The following MOAP1 variants were observed in gnomAD, a reference collection of about 807,000 sequenced individuals.
MOAP1 encodes MAP1.
For missense variants in MOAP1, 385 were observed against 418.6 expected (o/e 0.92, Z 0.70); for synonymous variants, 150 against 161.0 (o/e 0.93, Z 0.52).
In MOAP1 at chr14:93,183,043, A is replaced by G. The variant is rs898667050; in HGVS notation, c.*144T>C. Reference sequence around the variant, plus strand: ...TAGGAGACTTTAAATAGGCACAGAAACGACAAAGGGCTTATACTGAGAATT... The same window carrying G: ...TAGGAGACTTTAAATAGGCACAGAAGCGACAAAGGGCTTATACTGAGAATT... On this transcript the variant is annotated 3_prime_UTR_variant, in exon 3 of 3. Coordinates refer to ENST00000298894, the MANE Select transcript of MOAP1 (RefSeq NM_022151.5). 6 of 1,223,698 alleles carry G rather than the reference A, an allele frequency of 4.9e-6. No homozygotes were observed. In the South Asian group the frequency reaches 8.7e-5, roughly 18 times the overall value. 75.8% of individuals were successfully genotyped at this position (1,223,698 alleles called of 1,614,324 possible).
rs1279287637 is a variant in MOAP1 at position 93,184,105 on chromosome 14, C to T, written c.138G>A (p.Leu46=). The T allele has an allele frequency of 6.2e-7, 1 of 1,614,090 alleles. No individual in the cohort carries two copies. The highest frequency in any genetic ancestry group is 8.5e-7 in the Non-Finnish European group (1 of 1,180,014). ...TCCTTCCAAGCAGTCTGTACTCCCCCAAGGGAGCTAAACCAGCCTGCAGAG... is the reference window on the plus strand; with the variant it reads ...TCCTTCCAAGCAGTCTGTACTCCCCTAAGGGAGCTAAACCAGCCTGCAGAG... ...EEALQAGLAP[L]GEYRLLGRMF... The change falls in exon 3 of 3, where the codon TTG becomes TTA. Residue 46 remains leucine, a synonymous_variant. Coordinates refer to ENST00000298894, the MANE Select transcript of MOAP1 (RefSeq NM_022151.5). This position sits in a 1 kb window ranked among gnomAD's most constrained non-coding sequence, Gnocchi z 4.2.
In MOAP1 at chr14:93,184,884, CGG is replaced by C. The variant is rs911219212; in HGVS notation, c.-352_-351del. 2.1e-5 allele frequency: 3 copies of C among 145,646 alleles called. No individual in the cohort carries two copies. The highest frequency in any genetic ancestry group is 7.4e-5 in the African/African-American group (3 of 40,390). 9.0% of individuals were successfully genotyped at this position (145,646 alleles called of 1,614,324 possible). On this transcript the variant is annotated 5_prime_UTR_variant, in exon 1 of 3. Coordinates refer to ENST00000298894, the MANE Select transcript of MOAP1 (RefSeq NM_022151.5). This position sits in a 1 kb window ranked among gnomAD's most constrained non-coding sequence, Gnocchi z 4.2. ...GGATTCCACCTGTTTTGGTCTCGCT[CGG>C]GGAAGCTGCGCGGCGGGCGGGGGCG... is the stretch of plus-strand genomic sequence containing the variant.
Position 93,182,291 on chromosome 14 carries a change from A to G in MOAP1, c.*896T>C, listed in dbSNP as rs566684082. 1.4e-4 allele frequency: 22 copies of G among 152,802 alleles called. No homozygotes were observed. The highest frequency in any genetic ancestry group is 4.1e-4 in the South Asian group (2 of 4,832). 9.5% of individuals were successfully genotyped at this position (152,802 alleles called of 1,614,324 possible). A position where few individuals can be genotyped will look rare whatever the true frequency, so the allele number is the denominator to read the frequency against. On this transcript the variant is annotated 3_prime_UTR_variant, in exon 3 of 3. Coordinates refer to ENST00000298894, the MANE Select transcript of MOAP1 (RefSeq NM_022151.5). ...TCAGAACTAGATGTTTTGATGACAC[A>G]TAGCAGAAATCTGTGGTTCAAGATG...
At position 93,184,248 on chromosome 14, in the gene MOAP1, C is replaced by T. The variant is rs1893989436; in HGVS notation, c.-6G>A. 2 of 1,563,888 alleles carry T rather than the reference C, an allele frequency of 1.3e-6. No individual in the cohort carries two copies. Among genetic ancestry groups the T allele is most frequent in the Admixed American group, 2.0e-5 (1 of 50,372 alleles). On this transcript the variant is annotated 5_prime_UTR_variant, in exon 3 of 3. Transcript: ENST00000298894. The surrounding 1 kb of genome is among the most constrained non-coding windows in gnomAD (Gnocchi z 4.2). ...TCTAAAAGCCTCAAAGTCATGGTGCCCGAAATAATAGACTTAAGTTCTAAA... is the reference window on the plus strand; with the variant it reads ...TCTAAAAGCCTCAAAGTCATGGTGCTCGAAATAATAGACTTAAGTTCTAAA...
In MOAP1 at chr14:93,184,033, A is replaced by T. The variant is rs1231029261; in HGVS notation, c.210T>A (p.Thr70=). The T allele has an allele frequency of 3.7e-6, 6 of 1,613,984 alleles. No individual in the cohort carries two copies. In the South Asian group the frequency reaches 6.6e-5, roughly 18 times the overall value. The change falls in exon 3 of 3, where the codon ACT becomes ACA. Residue 70 remains threonine, a synonymous_variant. Coordinates refer to ENST00000298894, the MANE Select transcript of MOAP1 (RefSeq NM_022151.5). The surrounding 1 kb of genome is among the most constrained non-coding windows in gnomAD (Gnocchi z 4.2). ...GGACCAGGGCGTGACTAGTCTCCGC[A>T]GTAAGCCCTACTAAGGCTACTTTCC... The part of the protein sequence containing the change: ...ENRKVALVGL[T]AETSHALVPK...
chr14:93,182,991 T>G lies in MOAP1; in HGVS notation c.*196A>C, dbSNP rs551449168. ...AAATAGGTAAATGGCAGTGTAGAAC[T>G]ACATCCTTCCTAGTCAATTACACCT... On this transcript the variant is annotated 3_prime_UTR_variant, in exon 3 of 3. Transcript: ENST00000298894. 1.5e-6 allele frequency: 1 copy of G among 656,864 alleles called. No individual in the cohort carries two copies. The highest frequency in any genetic ancestry group is 2.4e-6 in the Non-Finnish European group (1 of 410,916). 40.7% of individuals were successfully genotyped at this position (656,864 alleles called of 1,614,324 possible).
chr14:93,183,551 T>A lies in MOAP1; in HGVS notation c.692A>T (p.Asp231Val). The change falls in exon 3 of 3, where the codon GAT (aspartate) becomes GTT (valine). Residue 231 changes from aspartate (D) to valine (V), a missense_variant. Asp to Val is a radical substitution (Grantham distance 152). Coordinates refer to ENST00000298894, the MANE Select transcript of MOAP1 (RefSeq NM_022151.5). ...LKINNPLITV[D>V]ECLQALEEVF... is the part of the protein sequence containing the mutation. ...CTCCTCAAGAGCCTGCAGACATTCA[T>A]CGACAGTAATTAAAGGATTGTTTAT... 1 of 1,614,204 alleles carries A rather than the reference T, an allele frequency of 6.2e-7. No individual in the cohort carries two copies. The highest frequency in any genetic ancestry group is 1.1e-5 in the South Asian group (1 of 91,086).
At position 93,182,294 on chromosome 14, in the gene MOAP1, G is replaced by A. The variant is rs1447619160; in HGVS notation, c.*893C>T. ...GAACTAGATGTTTTGATGACACATA[G>A]CAGAAATCTGTGGTTCAAGATGGTC... On this transcript the variant is annotated 3_prime_UTR_variant, in exon 3 of 3. Coordinates refer to ENST00000298894, the MANE Select transcript of MOAP1 (RefSeq NM_022151.5). 6.6e-6 allele frequency: 1 copy of A among 152,594 alleles called. No homozygotes were observed. Among genetic ancestry groups the A allele is most frequent in the Non-Finnish European group, 1.5e-5 (1 of 68,024 alleles). 9.5% of individuals were successfully genotyped at this position (152,594 alleles called of 1,614,324 possible).
chr14:93,184,275 ATGCC>A lies in MOAP1; in HGVS notation c.-37_-34del. The A allele has an allele frequency of 7.0e-7, 1 of 1,430,792 alleles. No homozygotes were observed. Among genetic ancestry groups the A allele is most frequent in the Non-Finnish European group, 9.2e-7 (1 of 1,091,484 alleles). The allele number at this position is 1,430,792 out of a possible 1,614,324, so 88.6% of individuals were successfully genotyped here. A position where few individuals can be genotyped will look rare whatever the true frequency, so the allele number is the denominator to read the frequency against. ...GAAATAATAGACTTAAGTTCTAAAT[ATGCC>A]AGACCACAGGCGACCACCGAAATTC... On this transcript the variant is annotated 5_prime_UTR_variant, in exon 3 of 3. Coordinates refer to ENST00000298894, the MANE Select transcript of MOAP1 (RefSeq NM_022151.5). This position sits in a 1 kb window ranked among gnomAD's most constrained non-coding sequence, Gnocchi z 4.2.
Position 93,182,932 on chromosome 14 carries a change from C to T in MOAP1, c.*255G>A. On this transcript the variant is annotated 3_prime_UTR_variant, in exon 3 of 3. Transcript: ENST00000298894. Reference sequence around the variant, plus strand: ...GTGACAGAGCGAGACTCTGTCTCAACAACAACAACAAAGATATTCACAAGG... The same window carrying T: ...GTGACAGAGCGAGACTCTGTCTCAATAACAACAACAAAGATATTCACAAGG... The T allele has an allele frequency of 2.1e-6, 1 of 486,822 alleles. No homozygotes were observed. Among genetic ancestry groups the T allele is most frequent in the Non-Finnish European group, 3.5e-6 (1 of 286,234 alleles). The allele number at this position is 486,822 out of a possible 1,614,324, so 30.2% of individuals were successfully genotyped here.
chr14:93,183,176 T>G lies in MOAP1; in HGVS notation c.*11A>C. The G allele has an allele frequency of 6.3e-7, 1 of 1,588,428 alleles. No homozygotes were observed. The highest frequency in any genetic ancestry group is 8.6e-7 in the Non-Finnish European group (1 of 1,167,644). On this transcript the variant is annotated 3_prime_UTR_variant, in exon 3 of 3. Coordinates refer to ENST00000298894, the MANE Select transcript of MOAP1 (RefSeq NM_022151.5). ...TACTCATTGCCATATCCCTTCGTGG[T>G]TCCCTGAGACTCAGGTGAAATTACC...
rs1465054855 is a variant in MOAP1 at position 93,184,476 on chromosome 14, GGC to G, written c.-121+81_-121+82del. 6.3e-6 allele frequency: 1 copy of G among 157,654 alleles called. No homozygotes were observed. Among genetic ancestry groups the G allele is most frequent in the Non-Finnish European group, 1.4e-5 (1 of 71,952 alleles). 9.8% of individuals were successfully genotyped at this position (157,654 alleles called of 1,614,324 possible). Reference sequence around the variant, plus strand: ...GGCGACGCCAGGGCAGCCGCACTGCGGCGCGCGCCCCTCACCCCTCCCAGCCC... The same window carrying G: ...GGCGACGCCAGGGCAGCCGCACTGCGGCGCGCCCCTCACCCCTCCCAGCCC... On this transcript the variant is annotated intron_variant, in intron 2 of 2. Coordinates refer to ENST00000298894, the MANE Select transcript of MOAP1 (RefSeq NM_022151.5). The surrounding 1 kb of genome is among the most constrained non-coding windows in gnomAD (Gnocchi z 4.2).
rs1485519909 is a variant in MOAP1, at chr14:93,183,610, T to G, written c.633A>C (p.Arg211=). ...CACGAATAACATCAAGTGCTGGGCC[T>G]CGAAGGCTCTCTAGCAATCGCCTTC... ...EKRRRLLESL[R]GPALDVIRVL... Residue 211 remains arginine, a synonymous_variant, in exon 3 of 3, where the codon CGA becomes CGC. Transcript: ENST00000298894. The G allele has an allele frequency of 1.9e-6, 3 of 1,614,224 alleles. No homozygotes were observed. Among genetic ancestry groups the G allele is most frequent in the Non-Finnish European group, 2.5e-6 (3 of 1,180,032 alleles).
At position 93,182,912 on chromosome 14, in the gene MOAP1, A is replaced by T. The variant is rs931649457; in HGVS notation, c.*275T>A. 4 of 403,628 alleles carry T rather than the reference A, an allele frequency of 9.9e-6. No homozygotes were observed. The Admixed American group carries it at 1.7e-4, about 17-fold the overall frequency. 25.0% of individuals were successfully genotyped at this position (403,628 alleles called of 1,614,324 possible). ...GCCACTGCACTCCAGCCTGGGTGAC[A>T]GAGCGAGACTCTGTCTCAACAACAA... On this transcript the variant is annotated 3_prime_UTR_variant, in exon 3 of 3. Coordinates refer to ENST00000298894, the MANE Select transcript of MOAP1 (RefSeq NM_022151.5).
rs199975345 is a variant in MOAP1 at position 93,183,768 on chromosome 14, A to G, written c.475T>C (p.Cys159Arg). Residue 159 changes from cysteine (C) to arginine (R), a missense_variant, in exon 3 of 3, where the codon TGC becomes CGC. By Grantham distance (180) the Cys-to-Arg change is radical. Coordinates refer to ENST00000298894, the MANE Select transcript of MOAP1 (RefSeq NM_022151.5). ...ALEALQPALQ[C>R]LKYKKLRVFS... ...ACTCTCAGCTTTTTATACTTCAAGC[A>G]TTGCAGGGCAGGCTGAAGAGCCTCT... 5.0e-6 allele frequency: 8 copies of G among 1,614,098 alleles called. No individual in the cohort carries two copies. The highest frequency in any genetic ancestry group is 1.3e-5 in the African/African-American group (1 of 75,006).
chr14:93,182,448 T>C lies in MOAP1; in HGVS notation c.*739A>G, dbSNP rs1027622846. ...CTCCGCTCAGGATCTTCATCATAAA[T>C]GTAGGTCAGTACATACCTAAAAATT... On this transcript the variant is annotated 3_prime_UTR_variant, in exon 3 of 3. Transcript: ENST00000298894. The C allele has an allele frequency of 2.6e-5, 4 of 152,602 alleles. No homozygotes were observed. Among genetic ancestry groups the C allele is most frequent in the Admixed American group, 1.3e-4 (2 of 15,276 alleles). 9.5% of individuals were successfully genotyped at this position (152,602 alleles called of 1,614,324 possible).
In MOAP1 at chr14:93,184,009, G is replaced by A. The variant is rs1893983851; in HGVS notation, c.234C>T (p.Val78=). The A allele has an allele frequency of 1.2e-6, 2 of 1,613,876 alleles. No individual in the cohort carries two copies. Among genetic ancestry groups the A allele is most frequent in the Non-Finnish European group, 1.7e-6 (2 of 1,179,970 alleles). The part of the protein sequence containing the change: ...GLTAETSHAL[V]PKEIPGKGGI... Reference sequence around the variant, plus strand: ...CCCCTTTTCCCGGTATCTCCTTAGGGACCAGGGCGTGACTAGTCTCCGCAG... The same window carrying A: ...CCCCTTTTCCCGGTATCTCCTTAGGAACCAGGGCGTGACTAGTCTCCGCAG... Residue 78 remains valine, a synonymous_variant, in exon 3 of 3, where the codon GTC becomes GTT. Coordinates refer to ENST00000298894, the MANE Select transcript of MOAP1 (RefSeq NM_022151.5). The surrounding 1 kb of genome is among the most constrained non-coding windows in gnomAD (Gnocchi z 4.2).
In MOAP1 at chr14:93,184,022, C is replaced by G. The variant is rs1893984163; in HGVS notation, c.221G>C (p.Ser74Thr). 6.2e-7 allele frequency: 1 copy of G among 1,613,782 alleles called. No individual in the cohort carries two copies. Among genetic ancestry groups the G allele is most frequent in the Non-Finnish European group, 8.5e-7 (1 of 1,179,896 alleles). The part of the protein sequence containing the change: ...VALVGLTAET[S>T]HALVPKEIPG... The stretch of plus-strand genomic sequence containing the variant: ...TATCTCCTTAGGGACCAGGGCGTGA[C>G]TAGTCTCCGCAGTAAGCCCTACTAA... Residue 74 changes from serine to threonine, a missense_variant, in exon 3 of 3, where the codon AGT (serine) becomes ACT (threonine). Transcript: ENST00000298894. The surrounding 1 kb of genome is among the most constrained non-coding windows in gnomAD (Gnocchi z 4.2).
chr14:93,183,557 GTAAT>G lies in MOAP1; in HGVS notation c.682_685del (p.Ile228LeufsTer27). On this transcript the variant is annotated frameshift_variant, in exon 3 of 3. Transcript: ENST00000298894. LOFTEE classifies it low-confidence loss of function (END_TRUNC). ...AAGAGCCTGCAGACATTCATCGACA[GTAAT>G]TAAAGGATTGTTTATCTTGAGGACA... 6.2e-7 allele frequency: 1 copy of G among 1,614,226 alleles called. No homozygotes were observed. The highest frequency in any genetic ancestry group is 8.5e-7 in the Non-Finnish European group (1 of 1,180,046).
Sources: gnomAD v4.1 joint callset for allele counts on GRCh38, gnomAD v4.1.1 for gene constraint, Gnocchi (gnomAD v3.1) non-coding constraint, MANE v1.5 for transcripts, NCBI Gene and HGNC (gene_info 2026-07-23, HGNC 2026-07-21) for gene names.